ATF3: variants seen among roughly 807,000 people sequenced by gnomAD.
ATF3 encodes the protein cyclic AMP-dependent transcription factor ATF-3.
Under a neutral mutation model 18.4 loss-of-function variants are expected in ATF3, and 10 were observed. The observed-to-expected ratio is 0.54, with a 90% CI of 0.34 to 0.92. The LOEUF is 0.92. Ranked by LOEUF, ATF3 falls within the 40% of genes least tolerant of loss-of-function variation. The pLI is 0.02. For synonymous variants in ATF3, 78 were observed against 87.9 expected, an observed-to-expected ratio of 0.89 and a Z score of 0.63; for missense variants, 183 against 222.3, an observed-to-expected ratio of 0.82 and a Z score of 1.12.
intron 1 of ATF3, among the ~76,000 whole-genome samples, chr1:212,588,236 G>A (rs1427502562): frequency 2.6e-5 from 4 of 152,068 alleles, no homozygotes; most frequent in Non-Finnish European, 5.9e-5. Context: ...TGAAAACAAG[G>A]GGATTAATTG....
chr1:212,585,761 C>T (rs1042657369), intron 1 of ATF3, among the ~76,000 whole-genome samples: 1 of 152,090 alleles, frequency 6.6e-6, no homozygotes, highest in African/African-American at 2.4e-5. Context: ...GGCAGATTTT[C>T]TCCCATTCTT....
chr1:212,578,909 A>T (rs532237360), intron 1 of ATF3, among the ~76,000 whole-genome samples: 3 of 151,738 alleles, frequency 2.0e-5, no homozygotes, highest in African/African-American at 7.3e-5. Context: ...AGACCCAGGC[A>T]TGGACTCATT....
At chr1:212,594,416 A>G (rs1215244100) in intron 1 of ATF3, among the ~76,000 whole-genome samples, 1 of 152,106 alleles carries the variant, frequency 6.6e-6, no homozygotes, top group African/African-American at 2.4e-5. Flanking sequence ...ACAAACAAAA[A>G]AGAAAACAAA....
chr1:212,616,837 G>A (rs1004988917), intron 2 of ATF3, among the ~76,000 whole-genome samples: 4 of 152,204 alleles, frequency 2.6e-5, no homozygotes, highest in Non-Finnish European at 4.4e-5. Flanking sequence ...AAGACTCAAG[G>A]GTGACTGAGT....
At chr1:212,579,872 C>G (rs149699489) in intron 1 of ATF3, among the ~76,000 whole-genome samples, 1 of 152,120 alleles carries the variant, frequency 6.6e-6, no homozygotes, top group African/African-American at 2.4e-5. Flanking sequence ...AGACTGGGCA[C>G]AGTGGCTCAC....
chr1:212,608,047 G>T (rs4951628), upstream of ATF3, among the ~76,000 whole-genome samples: 16,212 of 152,208 alleles, frequency 0.11, 1,351 homozygotes, highest in Admixed American at 0.23. Context: ...GCTGCCCTCC[G>T]CTTTTGTGTT....
At chr1:212,572,753 G>A (rs1396643558) in intron 1 of ATF3, among the ~76,000 whole-genome samples, 1 of 152,046 alleles carries the variant, frequency 6.6e-6, no homozygotes, top group Non-Finnish European at 1.5e-5. Flanking sequence ...CGGGTCCTTC[G>A]CATTCTCATT....
chr1:212,605,822 G>A (rs1328784182), upstream of ATF3, among the ~76,000 whole-genome samples: 3 of 152,154 alleles, frequency 2.0e-5, no homozygotes, highest in Non-Finnish European at 4.4e-5. Flanking sequence ...TGATCTGAAT[G>A]TGGATTCCCC....
At chr1:212,611,506 G>A (rs1190555042) in intron 1 of ATF3, among the ~76,000 whole-genome samples, 8 of 152,186 alleles carry the variant, frequency 5.3e-5, no homozygotes, top group Admixed American at 5.2e-4. Context: ...GTGATTTGTT[G>A]GTGGATGCTC....
At chr1:212,607,749 C>T (rs1385183060), upstream of ATF3, among the ~76,000 whole-genome samples, 1 of 152,236 alleles carries the variant, frequency 6.6e-6, no homozygotes, top group Non-Finnish European at 1.5e-5. Context: ...GTTCGCGGAC[C>T]CCAAAGCACC....
intron 1 of ATF3, among the ~76,000 whole-genome samples, chr1:212,567,382 G>T (rs564211922): frequency 2.6e-5 from 4 of 152,320 alleles, no homozygotes; most frequent in African/African-American, 7.2e-5. Context: ...ACCAGCTGCT[G>T]TTAACAGCTG....
Position 212,618,792 on chromosome 1 carries a change from C to T in ATF3, c.348+558C>T. The T allele has an allele frequency of 1.8e-6, 1 of 566,736 alleles. No homozygotes were observed. The highest frequency in any genetic ancestry group is 3.1e-6 in the Non-Finnish European group (1 of 318,344). 35.1% of individuals were successfully genotyped at this position (566,736 alleles called of 1,614,324 possible). A position where few individuals can be genotyped will look rare whatever the true frequency, so the allele number is the denominator to read the frequency against. On this transcript the variant is annotated intron_variant, in intron 3 of 3. Transcript: ENST00000341491. The surrounding 1 kb of genome is among the most constrained non-coding windows in gnomAD (Gnocchi z 4.4). ...CACTAGGGGAAATAGCTTTTGTGGG[C>T]AAGCAGGGTGGCCGGTGGTGCTCAG... is the stretch of plus-strand genomic sequence containing the variant.
At position 212,619,074 on chromosome 1, in the gene ATF3, C is replaced by A; in HGVS notation, c.349-284C>A. On this transcript the variant is annotated intron_variant, in intron 3 of 3. Transcript: ENST00000341491. The surrounding 1 kb of genome is among the most constrained non-coding windows in gnomAD (Gnocchi z 4.4). ...CCAAGGCCCTTTTGGGTCCAGAAGA[C>A]CTGCATATGGGCTGTTGACTCATGC... 4 of 1,614,206 alleles carry A rather than the reference C, an allele frequency of 2.5e-6. No individual in the cohort carries two copies. The highest frequency in any genetic ancestry group is 3.4e-6 in the Non-Finnish European group (4 of 1,180,046).
intron 1 of ATF3, among the ~76,000 whole-genome samples, chr1:212,585,539 G>T (rs560891813): frequency 1.7e-4 from 26 of 152,308 alleles, no homozygotes; most frequent in African/African-American, 6.3e-4. Context: ...TTTTCCCGGA[G>T]AATTTATGAA....
At chr1:212,573,598 A>G (rs1418761909) in intron 1 of ATF3, among the ~76,000 whole-genome samples, 2 of 151,946 alleles carry the variant, frequency 1.3e-5, no homozygotes, top group African/African-American at 4.8e-5. Context: ...AGTAAATTAG[A>G]TAGATTTTCC....
In ATF3 at chr1:212,576,883, A is replaced by G. The variant is rs201162673; in HGVS notation, c.-5+11400A>G. On this transcript the variant is annotated intron_variant, in intron 1 of 3. Coordinates refer to the ATF3 transcript ENST00000366981. ...GATGGGATTACAGGCACGTGCCATC[A>G]CACCCGGCTGATTTTTTTTTTGTAT... Among the ~76,000 whole-genome samples, 6 of 148,712 alleles carry G rather than the reference A, an allele frequency of 4.0e-5. No homozygotes were observed. In the East Asian group the frequency reaches 1.2e-3, roughly 29 times the overall value.
chr1:212,607,455 TG>T (rs1006603122), upstream of ATF3, among the ~76,000 whole-genome samples: 3 of 152,228 alleles, frequency 2.0e-5, no homozygotes, highest in African/African-American at 7.2e-5. Context: ...CAGAAATTGT[TG>T]GGGTCGGGGA....
intron 1 of ATF3, among the ~76,000 whole-genome samples, chr1:212,599,334 G>A (rs1654411197): frequency 6.6e-6 from 1 of 152,168 alleles, no homozygotes; most frequent in South Asian, 2.1e-4. Flanking sequence ...AGGATCATTG[G>A]CTTTTCCTGG....
chr1:212,600,138 C>T (rs905346520), intron 1 of ATF3, among the ~76,000 whole-genome samples: 6 of 152,200 alleles, frequency 3.9e-5, no homozygotes, highest in African/African-American at 9.7e-5. Context: ...ATCTGGCCTC[C>T]GATGGCCTCA....
Sources: gnomAD v4.1 joint callset for allele counts (sites outside exome capture counted in the v4.1 genomes callset) on GRCh38, gnomAD v4.1.1 for gene constraint, Gnocchi (gnomAD v3.1) non-coding constraint, MANE v1.5 for transcripts, NCBI Gene and HGNC (gene_info 2026-07-23, HGNC 2026-07-21) for gene names.